The following BMAL1 variants were observed in gnomAD, a reference collection of about 807,000 sequenced individuals.
BMAL1 encodes the protein basic helix-loop-helix ARNT-like protein 1.
the BMAL1 span, among the ~76,000 whole-genome samples, chr11:13,340,489 T>C: frequency 6.6e-6 from 1 of 152,244 alleles, no homozygotes; most frequent in Admixed American, 6.5e-5. Context: ...CTCTGTTTTA[T>C]ATTAAAACAA....
the BMAL1 span, among the ~76,000 whole-genome samples, chr11:13,282,909 G>C: frequency 6.6e-6 from 1 of 152,224 alleles, no homozygotes; most frequent in Non-Finnish European, 1.5e-5. Flanking sequence ...GGACGGAGCA[G>C]GTGGAGGGAA....
the BMAL1 span, among the ~76,000 whole-genome samples, chr11:13,307,755 T>C: frequency 1.3e-5 from 2 of 152,278 alleles, no homozygotes; most frequent in South Asian, 4.2e-4. Flanking sequence ...AATCAGAAGA[T>C]AGGTGATACA....
the BMAL1 span, among the ~76,000 whole-genome samples, chr11:13,308,251 C>T: frequency 1.3e-5 from 2 of 152,136 alleles, no homozygotes; most frequent in Non-Finnish European, 2.9e-5. Flanking sequence ...AGGAGCACGT[C>T]AGGGGTCTGT....
the BMAL1 span, among the ~76,000 whole-genome samples, chr11:13,312,734 A>G: frequency 6.6e-6 from 1 of 152,206 alleles, no homozygotes; most frequent in Non-Finnish European, 1.5e-5. Context: ...CTGTATCCCC[A>G]GCATCGTAGC....
the BMAL1 span, chr11:13,369,586 C>T: frequency 1.2e-6 from 2 of 1,612,896 alleles, no homozygotes; most frequent in Non-Finnish European, 1.7e-6. Flanking sequence ...ACACTGCTCT[C>T]AGTTTATCAC....
the BMAL1 span, chr11:13,386,749 C>T: frequency 3.1e-6 from 5 of 1,613,868 alleles, no homozygotes; most frequent in South Asian, 1.1e-5. Context: ...TTGCCATGGC[C>T]GCTGTAAACA....
chr11:13,370,716 C>G, the BMAL1 span, among the ~76,000 whole-genome samples: 1 of 152,190 alleles, frequency 6.6e-6, no homozygotes, highest in African/African-American at 2.4e-5. Flanking sequence ...CCCACATGCT[C>G]CCCACCCCCA....
At chr11:13,284,257 TATA>T in the BMAL1 span, among the ~76,000 whole-genome samples, 1 of 28,318 alleles carries the variant, frequency 3.5e-5, no homozygotes, top group Non-Finnish European at 8.2e-5. Context: ...TATATATATA[TATA>T]TATATATTTT....
chr11:13,324,294 C>T, the BMAL1 span, among the ~76,000 whole-genome samples: 14 of 152,214 alleles, frequency 9.2e-5, no homozygotes, highest in Admixed American at 7.9e-4. Context: ...CTAAACATCT[C>T]GCCTTGGCCT....
chr11:13,291,421 T>C, the BMAL1 span, among the ~76,000 whole-genome samples: 1 of 152,086 alleles, frequency 6.6e-6, no homozygotes, highest in Non-Finnish European at 1.5e-5. Context: ...TCTGATGTGT[T>C]GTGGTGGTGA....
chr11:13,351,385 A>ATAAT, the BMAL1 span, among the ~76,000 whole-genome samples: 24,379 of 151,974 alleles, frequency 0.16, 2,926 homozygotes, highest in African/African-American at 0.34. Context: ...TGGCTTGGAG[A>ATAAT]TAGAGTTTTG....
the BMAL1 span, among the ~76,000 whole-genome samples, chr11:13,305,844 A>G: frequency 6.6e-6 from 1 of 152,160 alleles, no homozygotes; most frequent in African/African-American, 2.4e-5. Flanking sequence ...GTTATTATCT[A>G]CAAGTTTTCT....
chr11:13,330,208 C>T, the BMAL1 span, among the ~76,000 whole-genome samples: 4 of 152,294 alleles, frequency 2.6e-5, no homozygotes, highest in Non-Finnish European at 5.9e-5. Flanking sequence ...AGGAAATGGC[C>T]TAGATGGCCG....
chr11:13,364,689 T>C, the BMAL1 span, among the ~76,000 whole-genome samples: 1 of 152,216 alleles, frequency 6.6e-6, no homozygotes, highest in Non-Finnish European at 1.5e-5. Flanking sequence ...TCAGGCACTA[T>C]AGCTTGGGTA....
the BMAL1 span, among the ~76,000 whole-genome samples, chr11:13,373,104 G>C: frequency 6.6e-6 from 1 of 152,188 alleles, no homozygotes; most frequent in East Asian, 1.9e-4. Context: ...CCTCCCATGT[G>C]GCTAACGGCA....
chr11:13,290,954 T>A, the BMAL1 span, among the ~76,000 whole-genome samples: 1 of 152,206 alleles, frequency 6.6e-6, no homozygotes, highest in Non-Finnish European at 1.5e-5. Context: ...AGCTCTTTTT[T>A]CTTCATAGCT....
chr11:13,280,189 A>T, the BMAL1 span, among the ~76,000 whole-genome samples: 2 of 152,264 alleles, frequency 1.3e-5, no homozygotes, highest in Admixed American at 1.3e-4. Context: ...AGTTAAGCAG[A>T]TCAACAGATG....
chr11:13,299,522 C>T, the BMAL1 span, among the ~76,000 whole-genome samples: 11,259 of 152,006 alleles, frequency 0.074, 1,381 homozygotes, highest in African/African-American at 0.26. Context: ...GGTTTGGGGC[C>T]ATGGGGGGAA....
At chr11:13,326,258 A>G in the BMAL1 span, among the ~76,000 whole-genome samples, 2 of 152,054 alleles carry the variant, frequency 1.3e-5, no homozygotes, top group Non-Finnish European at 2.9e-5. Flanking sequence ...TGAACTATCA[A>G]TGGAGATAAC....
Sources: allele counts gnomAD v4.1 joint callset (sites outside exome capture counted in the v4.1 genomes callset), GRCh38; gene constraint gnomAD v4.1.1; transcripts MANE v1.5; gene names NCBI Gene and HGNC (gene_info 2026-07-23, HGNC 2026-07-21).